ANKH: variants seen among roughly 807,000 people sequenced by gnomAD.
ANKH encodes the protein ANKH inorganic pyrophosphate transport regulator.
In ANKH, 15 loss-of-function variants were observed where a neutral mutation model predicts 49.0. The observed-to-expected ratio is 0.31, with a 90% CI of 0.20 to 0.47. The LOEUF is 0.47. Among genes scored for constraint, ANKH ranks in the 20% least tolerant of loss-of-function variants. The pLI is 1.00. For missense variants in ANKH, 429 were observed against 652.0 expected, an observed-to-expected ratio of 0.66 and a Z score of 3.72; for synonymous variants, 273 against 260.0, an observed-to-expected ratio of 1.05 and a Z score of -0.48.
chr5:14,830,698 G>C (rs929721063), intron 1 of ANKH, among the ~76,000 whole-genome samples: 1 of 152,178 alleles, frequency 6.6e-6, no homozygotes, highest in African/African-American at 2.4e-5. Flanking sequence ...GCTCTATTTT[G>C]TATGTCTATT....
chr5:14,717,291 A>C (rs1324368313), intron 8 of ANKH, among the ~76,000 whole-genome samples: 2 of 152,262 alleles, frequency 1.3e-5, no homozygotes, highest in Admixed American at 1.3e-4. Flanking sequence ...ACACATAATG[A>C]AAAGGGAAAT....
At chr5:14,833,985 G>A (rs554968659) in intron 1 of ANKH, among the ~76,000 whole-genome samples, 210 of 152,242 alleles carry the variant, frequency 1.4e-3, no homozygotes, top group Non-Finnish European at 2.4e-3. Flanking sequence ...CGTGGGGCTC[G>A]TGCTGACCTG....
chr5:14,779,279 C>T (rs1580061003), intron 1 of ANKH, among the ~76,000 whole-genome samples: 1 of 152,262 alleles, frequency 6.6e-6, no homozygotes, highest in Non-Finnish European at 1.5e-5. Context: ...TTTGTCTGAT[C>T]TTTGCTACTT....
At chr5:14,790,800 G>A (rs1740140846) in intron 1 of ANKH, among the ~76,000 whole-genome samples, 1 of 152,144 alleles carries the variant, frequency 6.6e-6, no homozygotes, top group Admixed American at 6.6e-5. Context: ...AGTAGAGACA[G>A]GGTTTTGCCA....
At chr5:14,738,271 G>A (rs1189245889) in intron 8 of ANKH, among the ~76,000 whole-genome samples, 1 of 152,210 alleles carries the variant, frequency 6.6e-6, no homozygotes, top group African/African-American at 2.4e-5. Flanking sequence ...TTTTTCACAG[G>A]CAAAGGCGGT....
chr5:14,719,257 A>T (rs1260703141), intron 8 of ANKH, among the ~76,000 whole-genome samples: 2 of 152,268 alleles, frequency 1.3e-5, no homozygotes, highest in Non-Finnish European at 2.9e-5. Context: ...ACTCTAAACC[A>T]AACTATCACT....
At chr5:14,718,841 A>G (rs1426618824) in intron 8 of ANKH, among the ~76,000 whole-genome samples, 1 of 79,742 alleles carries the variant, frequency 1.3e-5, no homozygotes, top group African/African-American at 3.8e-5. Flanking sequence ...CCCCCCCCCA[A>G]AAAAAAAAGA....
intron 2 of ANKH, among the ~76,000 whole-genome samples, chr5:14,762,084 T>C (rs1739105075): frequency 6.6e-6 from 1 of 152,146 alleles, no homozygotes; most frequent in Admixed American, 6.5e-5. Context: ...TTTAAAAACC[T>C]GCTTGTAACA....
At position 14,871,529 on chromosome 5, in the gene ANKH, G is replaced by C. The variant is rs1482602292; in HGVS notation, c.-82C>G. 1.8e-6 allele frequency: 2 copies of C among 1,100,020 alleles called. No homozygotes were observed. The highest frequency in any genetic ancestry group is 3.6e-5 in the East Asian group (1 of 27,430). 68.1% of individuals were successfully genotyped at this position (1,100,020 alleles called of 1,614,324 possible). A position where few individuals can be genotyped will look rare whatever the true frequency, so the allele number is the denominator to read the frequency against. ...GGAGGCGAGGGGCGACGGGGCGACG[G>C]GGCGAGCGGGGCGCGGGCCGACAGA... is the stretch of plus-strand genomic sequence containing the variant. On this transcript the variant is annotated 5_prime_UTR_variant, in exon 1 of 12. Transcript: ENST00000284268.
intron 1 of ANKH, among the ~76,000 whole-genome samples, chr5:14,815,962 C>A (rs867662319): frequency 2.6e-5 from 4 of 152,276 alleles, no homozygotes; most frequent in Middle Eastern, 6.8e-3. Context: ...AATTCCAGCC[C>A]CTATTTTTCT....
At position 14,706,138 on chromosome 5, in the gene ANKH, A is replaced by C. The variant is rs1357394323; in HGVS notation, c.*5059T>G. The C allele has an allele frequency of 6.6e-6, 1 of 152,214 alleles. No individual in the cohort carries two copies. The highest frequency in any genetic ancestry group is 1.5e-5 in the Non-Finnish European group (1 of 68,032). 9.4% of individuals were successfully genotyped at this position (152,214 alleles called of 1,614,324 possible). Reference sequence around the variant, plus strand: ...CTTGTGTGCTTTTGTTTACATATACATATTGTAGACGCTAATGTCAAGTCT... The same window carrying C: ...CTTGTGTGCTTTTGTTTACATATACCTATTGTAGACGCTAATGTCAAGTCT... On this transcript the variant is annotated 3_prime_UTR_variant, in exon 12 of 12. Transcript: ENST00000284268.
rs769992537 is a variant in ANKH at position 14,707,082 on chromosome 5, TGATG to T, written c.*4111_*4114del. The T allele has an allele frequency of 6.6e-6, 1 of 152,204 alleles. No individual in the cohort carries two copies. Among genetic ancestry groups the T allele is most frequent in the Non-Finnish European group, 1.5e-5 (1 of 68,036 alleles). 9.4% of individuals were successfully genotyped at this position (152,204 alleles called of 1,614,324 possible). A position where few individuals can be genotyped will look rare whatever the true frequency, so the allele number is the denominator to read the frequency against. ...TTTCTGGACTGTGCACTAGTTTGAT[TGATG>T]AAGACGTCGTCCTAAGTTTAGAAGT... On this transcript the variant is annotated 3_prime_UTR_variant, in exon 12 of 12. Coordinates refer to ENST00000284268, the MANE Select transcript of ANKH (RefSeq NM_054027.6).
intron 1 of ANKH, among the ~76,000 whole-genome samples, chr5:14,843,942 A>G (rs994446059): frequency 6.6e-6 from 1 of 152,182 alleles, no homozygotes; most frequent in Non-Finnish European, 1.5e-5. Flanking sequence ...AGGATATCAT[A>G]TTTTTTTAGT....
At chr5:14,851,544 C>T (rs527412290) in intron 1 of ANKH, among the ~76,000 whole-genome samples, 1 of 152,130 alleles carries the variant, frequency 6.6e-6, no homozygotes, top group Non-Finnish European at 1.5e-5. Flanking sequence ...AATTGTGCAC[C>T]AGGCAAGGGA....
chr5:14,806,440 T>C (rs780009447), intron 1 of ANKH, among the ~76,000 whole-genome samples: 9 of 152,144 alleles, frequency 5.9e-5, no homozygotes, highest in South Asian at 4.1e-4. Flanking sequence ...TTAATAATTA[T>C]CTTGGAGTCC....
At chr5:14,785,321 G>A (rs765687728) in intron 1 of ANKH, among the ~76,000 whole-genome samples, 2 of 152,188 alleles carry the variant, frequency 1.3e-5, no homozygotes, top group Non-Finnish European at 2.9e-5. Flanking sequence ...GATCTTGGGG[G>A]TGGATCCCTC....
intron 1 of ANKH, among the ~76,000 whole-genome samples, chr5:14,817,993 G>A (rs1482812604): frequency 2.0e-5 from 3 of 150,292 alleles, no homozygotes; most frequent in Non-Finnish European, 4.4e-5. Flanking sequence ...GAACCGGGGA[G>A]GTGGAGATTG....
intron 1 of ANKH, among the ~76,000 whole-genome samples, chr5:14,862,821 T>G (rs1735535967): frequency 6.6e-6 from 1 of 152,186 alleles, no homozygotes; most frequent in Non-Finnish European, 1.5e-5. Context: ...TTCCTTGACT[T>G]TTCAAAAATC....
At chr5:14,854,264 C>T (rs1367155027) in intron 1 of ANKH, among the ~76,000 whole-genome samples, 1 of 152,168 alleles carries the variant, frequency 6.6e-6, no homozygotes, top group Non-Finnish European at 1.5e-5. Flanking sequence ...CTGCCGTTCC[C>T]ACTGTTTATT....
Sources: gnomAD v4.1 joint callset for allele counts (sites outside exome capture counted in the v4.1 genomes callset) on GRCh38, gnomAD v4.1.1 for gene constraint, MANE v1.5 for transcripts, NCBI Gene and HGNC (gene_info 2026-07-23, HGNC 2026-07-21) for gene names.